NEIL3: variants seen among roughly 807,000 people sequenced by gnomAD.
NEIL3 encodes endonuclease 8-like 3.
NEIL3 carries 48 observed loss-of-function variants against 57.5 expected under a neutral mutation model. The observed-to-expected ratio is 0.83, with a 90% CI of 0.66 to 1.06. The LOEUF is 1.06. Ranked by LOEUF, NEIL3 falls within the 50% of genes least tolerant of loss-of-function variation. The pLI is 0.00. For synonymous variants in NEIL3, 261 were observed against 253.2 expected (o/e 1.03, Z -0.29); for missense variants, 717 against 739.1 (o/e 0.97, Z 0.35).
At chr4:177,345,471 T>C (rs2110918599) in intron 6 of NEIL3, among the ~76,000 whole-genome samples, 1 of 145,896 alleles carries the variant, frequency 6.9e-6, no homozygotes, top group African/African-American at 2.6e-5. Flanking sequence ...ACTCTTTTTT[T>C]TTTTTATTAT....
chr4:177,363,728 T>A (rs565642957), downstream of NEIL3, among the ~76,000 whole-genome samples: 1 of 152,228 alleles, frequency 6.6e-6, no homozygotes, highest in South Asian at 2.1e-4. Flanking sequence ...CTTATCCTAA[T>A]AAGAAATGTA....
At chr4:177,321,204 A>T (rs1431710638) in intron 1 of NEIL3, among the ~76,000 whole-genome samples, 1 of 152,254 alleles carries the variant, frequency 6.6e-6, no homozygotes, top group Admixed American at 6.5e-5. Context: ...TTATAATTAT[A>T]TCTTGACATT....
chr4:177,335,243 T>A (rs565099866), intron 2 of NEIL3, among the ~76,000 whole-genome samples: 28 of 152,328 alleles, frequency 1.8e-4, no homozygotes, highest in African/African-American at 6.3e-4. Flanking sequence ...AATAAGGAAT[T>A]TGAATATTAG....
chr4:177,314,222 C>T (rs17064602), intron 1 of NEIL3, among the ~76,000 whole-genome samples: 3,993 of 152,172 alleles, frequency 0.026, 106 homozygotes, highest in African/African-American at 0.067. Flanking sequence ...ATCCAGAATC[C>T]TATGGAATCA....
intron 5 of NEIL3, 36 bp from the exon 6 acceptor site, chr4:177,341,440 T>C (rs1735088550): frequency 1.9e-6 from 3 of 1,542,724 alleles, no homozygotes; most frequent in Non-Finnish European, 2.6e-6. Context: ...CACTGTTTTG[T>C]GGATAACAGA....
chr4:177,345,616 C>T (rs1052253783), intron 6 of NEIL3, among the ~76,000 whole-genome samples: 12 of 150,184 alleles, frequency 8.0e-5, no homozygotes, highest in Admixed American at 6.0e-4. Context: ...CTCTTGGCCT[C>T]GTGATCCACC....
intron 6 of NEIL3, among the ~76,000 whole-genome samples, chr4:177,345,324 A>G (rs1249769649): frequency 1.3e-5 from 2 of 152,200 alleles, no homozygotes; most frequent in Non-Finnish European, 2.9e-5. Flanking sequence ...GTATACAGGG[A>G]GAACATTTGG....
At chr4:177,356,563 A>G (rs1257747409) in intron 8 of NEIL3, among the ~76,000 whole-genome samples, 2 of 152,222 alleles carry the variant, frequency 1.3e-5, no homozygotes, top group Non-Finnish European at 2.9e-5. Context: ...CTTGTGGACA[A>G]GATGCCTAGC....
intron 6 of NEIL3, among the ~76,000 whole-genome samples, chr4:177,346,442 T>G (rs1432157084): frequency 6.6e-6 from 1 of 152,230 alleles, no homozygotes; most frequent in Admixed American, 6.5e-5. Context: ...GTGTTGGAAC[T>G]ACAGGCATAA....
In NEIL3 at chr4:177,335,669, T is replaced by A. The variant is rs775189589; in HGVS notation, c.279-19T>A. The stretch of plus-strand genomic sequence containing the variant: ...TGATATACTTTCTGCCACTCAAAAA[T>A]GGTTTGATTTTGTTTCAGGATTCAT... On this transcript the variant is annotated intron_variant, in intron 2 of 9. Transcript: ENST00000264596. The A allele has an allele frequency of 2.1e-5, 34 of 1,606,864 alleles. No individual in the cohort carries two copies. The highest frequency in any genetic ancestry group is 2.8e-5 in the Non-Finnish European group (33 of 1,177,008).
At chr4:177,360,802 A>T in intron 9 of NEIL3, 125 bp downstream of exon 9, 1 of 701,136 alleles carries the variant, frequency 1.4e-6, no homozygotes, top group Non-Finnish European at 2.2e-6. Context: ...CCATATTGGC[A>T]TTCAGTCTAA....
chr4:177,351,425 G>A lies in NEIL3; in HGVS notation c.915G>A (p.Arg305=), dbSNP rs1735348975. The A allele has an allele frequency of 6.2e-7, 1 of 1,613,888 alleles. No homozygotes were observed. The highest frequency in any genetic ancestry group is 8.5e-7 in the Non-Finnish European group (1 of 1,179,898). The change falls in exon 7 of 10, where the codon AGG becomes AGA. Residue 305 remains arginine (R), a synonymous_variant. Transcript: ENST00000264596. ...CTATAATCAGTTGGACATCTAGCAG[G>A]GTGGATCATGTTATGGACTCCGTGG... ...RNTIISWTSS[R]VDHVMDSVAR... is the part of the protein sequence containing the mutation.
chr4:177,310,426 T>A (rs948667961), intron 1 of NEIL3, among the ~76,000 whole-genome samples: 5 of 152,234 alleles, frequency 3.3e-5, no homozygotes, highest in African/African-American at 7.2e-5. Context: ...TGTCTACAGC[T>A]GCATTTTTTA....
At chr4:177,370,529 G>A in the NEIL3 span, among the ~76,000 whole-genome samples, 3 of 152,094 alleles carry the variant, frequency 2.0e-5, no homozygotes, top group Non-Finnish European at 4.4e-5. Context: ...GAAACCTATT[G>A]TTCTACTTTC....
intron 2 of NEIL3, among the ~76,000 whole-genome samples, chr4:177,328,871 G>A (rs1425021387): frequency 6.6e-6 from 1 of 152,090 alleles, no homozygotes; most frequent in Non-Finnish European, 1.5e-5. Flanking sequence ...TGCAACAATA[G>A]TACAAATGAG....
At chr4:177,333,776 T>C (rs1437606783) in intron 2 of NEIL3, among the ~76,000 whole-genome samples, 1 of 152,148 alleles carries the variant, frequency 6.6e-6, no homozygotes, top group Non-Finnish European at 1.5e-5. Flanking sequence ...TCCTACGTCT[T>C]TAAATTCATC....
intron 2 of NEIL3, among the ~76,000 whole-genome samples, chr4:177,327,082 G>T (rs1340044437): frequency 6.6e-6 from 1 of 152,024 alleles, no homozygotes; most frequent in Non-Finnish European, 1.5e-5. Flanking sequence ...AGATCTCTTG[G>T]TTTTATAAGG....
chr4:177,360,438 TA>T, intron 8 of NEIL3, 64 bp from the exon 9 acceptor site: 1 of 1,159,558 alleles, frequency 8.6e-7, no homozygotes, highest in Non-Finnish European at 1.2e-6. Flanking sequence ...CATGTGGGGG[TA>T]AAGTGGTGTG....
the NEIL3 span, among the ~76,000 whole-genome samples, chr4:177,369,398 T>C: frequency 1.3e-5 from 2 of 152,164 alleles, no homozygotes; most frequent in Non-Finnish European, 2.9e-5. Context: ...AATGGGGAGA[T>C]AAATGCGTAA....
Sources: allele counts gnomAD v4.1 joint callset (sites outside exome capture counted in the v4.1 genomes callset), GRCh38; gene constraint gnomAD v4.1.1; transcripts MANE v1.5; gene names NCBI Gene and HGNC (gene_info 2026-07-23, HGNC 2026-07-21).